Variants in TTC6 observed in about 807,000 individuals in gnomAD.
The protein encoded by TTC6 is tetratricopeptide repeat protein 6.
Under a neutral mutation model 210.4 loss-of-function variants are expected in TTC6, and 172 were observed. The observed-to-expected ratio is 0.82, with a 90% confidence interval of 0.72 to 0.93. The LOEUF (loss-of-function observed/expected upper bound fraction) is 0.93, where lower values mean the gene tolerates loss of function less well. Among genes scored for constraint, TTC6 ranks in the 40% least tolerant of loss-of-function variants. TTC6 has a pLI of 0.00. For synonymous variants in TTC6, 804 were observed against 819.6 expected (o/e 0.98, Z 0.32); for missense variants, 2,414 against 2,318.1 (o/e 1.04, Z -0.85).
chr14:37,838,136 A>G (rs751769669), intron 29 of TTC6, among the ~76,000 whole-genome samples: 26 of 152,186 alleles, frequency 1.7e-4, no homozygotes, highest in Admixed American at 4.6e-4. Flanking sequence ...TCTTTAAGGT[A>G]GGTTTTAAAG....
intron 1 of TTC6, among the ~76,000 whole-genome samples, chr14:37,643,738 C>T (rs535079562): frequency 6.6e-6 from 1 of 151,934 alleles, no homozygotes; most frequent in South Asian, 2.1e-4. Flanking sequence ...TAAAGCCAGA[C>T]CTCATCATTT....
At position 37,701,316 on chromosome 14, in the gene TTC6, C is replaced by CT; in HGVS notation, c.1377-12dup. 7.3e-7 allele frequency: 1 copy of CT among 1,370,656 alleles called. No individual in the cohort carries two copies. The highest frequency in any genetic ancestry group is 1.8e-5 in the South Asian group (1 of 54,186). The allele number at this position is 1,370,656 out of a possible 1,614,324, so 84.9% of individuals were successfully genotyped here. ...CAAAATGATGAAAGGAGCTCACTTT[C>CT]TTTTCTCTGTTGCAGAATTCCACAA... On this transcript the variant is annotated splice_polypyrimidine_tract_variant and intron_variant, in intron 4 of 30. Coordinates refer to ENST00000553443, the Ensembl canonical transcript of TTC6.
chr14:37,641,794 A>C (rs1367712241), intron 1 of TTC6, among the ~76,000 whole-genome samples: 1 of 152,046 alleles, frequency 6.6e-6, no homozygotes, highest in East Asian at 1.9e-4. Context: ...GTGTTTCTTT[A>C]CTCTCATTTT....
At chr14:37,823,883 A>G in exon 27 of TTC6, 1 of 1,614,058 alleles carries the variant, frequency 6.2e-7, no homozygotes, top group Non-Finnish European at 8.5e-7. Flanking sequence ...GCAAGCACAG[A>G]AAGACTTTCT....
chr14:37,679,680 A>C (rs2095778730), intron 1 of TTC6, among the ~76,000 whole-genome samples: 1 of 151,990 alleles, frequency 6.6e-6, no homozygotes, highest in Admixed American at 6.6e-5. Flanking sequence ...CATAGGCAAA[A>C]AAAATTTATA....
chr14:37,622,488 G>T (rs528789891), exon 1 of TTC6: 1 of 1,535,238 alleles, frequency 6.5e-7, no homozygotes, highest in Non-Finnish European at 8.7e-7. Context: ...CATCGCCTCG[G>T]GGTTCGGCAC....
chr14:37,769,315 A>G (rs1018924052), intron 14 of TTC6, among the ~76,000 whole-genome samples: 8 of 151,844 alleles, frequency 5.3e-5, no homozygotes, highest in African/African-American at 1.9e-4. Flanking sequence ...TGCTGGCCTC[A>G]TAAAATGAGT....
At chr14:37,804,806 T>C (rs1231226978) in exon 21 of TTC6, 3 of 1,613,668 alleles carry the variant, frequency 1.9e-6, no homozygotes, top group Non-Finnish European at 2.5e-6. Context: ...GGAAGGCAAT[T>C]TACAAATGGT....
At chr14:37,731,271 T>C (rs1172824134) in intron 7 of TTC6, among the ~76,000 whole-genome samples, 1 of 152,206 alleles carries the variant, frequency 6.6e-6, no homozygotes, top group Non-Finnish European at 1.5e-5. Context: ...CTATAACTCA[T>C]GCCTGAAAGA....
At chr14:37,707,258 T>G (rs2095837215) in intron 5 of TTC6, among the ~76,000 whole-genome samples, 1 of 152,050 alleles carries the variant, frequency 6.6e-6, no homozygotes. Flanking sequence ...AATTAATTTT[T>G]GGGGGTACAT....
intron 5 of TTC6, among the ~76,000 whole-genome samples, chr14:37,709,762 CTGTATTTTCT>C (rs1393837787): frequency 6.7e-6 from 1 of 149,636 alleles, no homozygotes; most frequent in Non-Finnish European, 1.5e-5. Context: ...TTTATCAAGA[CTGTATTTTCT>C]GATCTTTTTA....
chr14:37,607,477 A>C (rs1244612783), intron 2 of TTC6, among the ~76,000 whole-genome samples: 1 of 152,240 alleles, frequency 6.6e-6, no homozygotes, highest in Non-Finnish European at 1.5e-5. Context: ...TACTAAAGAT[A>C]CTAAATTGAA....
chr14:37,644,625 T>G (rs2095698300), intron 1 of TTC6, among the ~76,000 whole-genome samples: 1 of 152,252 alleles, frequency 6.6e-6, no homozygotes. Context: ...GTTTCTGACA[T>G]GGTCTCTATG....
Position 37,834,676 on chromosome 14 carries a change from ATTTCT to A in TTC6, c.5299-6761_5299-6757del, listed in dbSNP as rs778796924. ...AATTCTTTTTCAAACATTTCACAAA[ATTTCT>A]TTTCTTTGGGGTCTGCTACTGTAGA... On this transcript the variant is annotated intron_variant, in intron 29 of 30. Coordinates refer to ENST00000553443, the Ensembl canonical transcript of TTC6. Among the ~76,000 whole-genome samples, 3 of 152,160 alleles carry A rather than the reference ATTTCT, an allele frequency of 2.0e-5. No homozygotes were observed. The South Asian group carries it at 6.2e-4, about 32-fold the overall frequency.
At chr14:37,751,135 A>C in exon 13 of TTC6, 6 of 1,533,488 alleles carry the variant, frequency 3.9e-6, no homozygotes, top group Non-Finnish European at 5.2e-6. Context: ...AGGCAATTAA[A>C]TCCACGCCCA....
intron 14 of TTC6, among the ~76,000 whole-genome samples, chr14:37,760,440 C>G (rs2095980690): frequency 6.6e-6 from 1 of 152,174 alleles, no homozygotes; most frequent in Admixed American, 6.5e-5. Context: ...CTGTCGACCC[C>G]TGTTGGGAGG....
At chr14:37,760,359 C>T (rs951595859) in intron 14 of TTC6, among the ~76,000 whole-genome samples, 3 of 152,290 alleles carry the variant, frequency 2.0e-5, no homozygotes, top group African/African-American at 7.2e-5. Flanking sequence ...GCTTCCTGCT[C>T]CTTCCTCAGG....
At chr14:37,718,543 G>A (rs975540279) in intron 6 of TTC6, among the ~76,000 whole-genome samples, 9 of 139,242 alleles carry the variant, frequency 6.5e-5, no homozygotes, top group Non-Finnish European at 1.6e-5. Context: ...AGTGCATTAA[G>A]GCAAGAAGTG....
At chr14:37,704,128 C>T (rs576809274) in intron 5 of TTC6, among the ~76,000 whole-genome samples, 1 of 152,158 alleles carries the variant, frequency 6.6e-6, no homozygotes, top group East Asian at 1.9e-4. Flanking sequence ...GCTCTGTTTC[C>T]TAGGCTGGTG....
Sources: allele counts gnomAD v4.1 joint callset (sites outside exome capture counted in the v4.1 genomes callset), GRCh38; gene constraint gnomAD v4.1.1; transcripts MANE v1.5; gene names NCBI Gene and HGNC (gene_info 2026-07-23, HGNC 2026-07-21).